SLCO1B3: variants seen among roughly 807,000 people sequenced by gnomAD.
SLCO1B3 encodes the protein liver-specific organic anion transporter 2.
SLCO1B3 carries 72 observed loss-of-function variants against 71.8 expected under a neutral mutation model. That is an observed-to-expected ratio of 1.00 (90% CI 0.83 to 1.22). The LOEUF is 1.22. SLCO1B3 is among the 50% of genes most tolerant of loss of function. SLCO1B3 has a pLI of 0.00. For missense variants in SLCO1B3, 911 were observed against 819.7 expected (o/e 1.11, Z -1.36); for synonymous variants, 298 against 278.4 (o/e 1.07, Z -0.70).
At chr12:20,896,368 C>G (rs113376176) in intron 13 of SLCO1B3, among the ~76,000 whole-genome samples, 1 of 152,158 alleles carries the variant, frequency 6.6e-6, no homozygotes, top group Non-Finnish European at 1.5e-5. Context: ...ACCAAAGTCA[C>G]CTCTTGAATG....
At chr12:20,879,753 C>T (rs552280750) in intron 11 of SLCO1B3, 122 bp downstream of exon 11, 1 of 714,604 alleles carries the variant, frequency 1.4e-6, no homozygotes, top group East Asian at 3.2e-5. Flanking sequence ...AGAGAAATTT[C>T]AATTTTCAAA....
intron 3 of SLCO1B3, among the ~76,000 whole-genome samples, chr12:20,836,435 T>C (rs1360240172): frequency 2.0e-5 from 3 of 152,218 alleles, no homozygotes; most frequent in African/African-American, 7.2e-5. Flanking sequence ...TCTATGTTCA[T>C]GAGTGATATT....
intron 3 of SLCO1B3, among the ~76,000 whole-genome samples, chr12:20,817,248 T>C (rs2121074617): frequency 6.6e-6 from 1 of 152,354 alleles, no homozygotes; most frequent in East Asian, 1.9e-4. Context: ...CCTGTGTTTC[T>C]GGGGTAAGAA....
At chr12:20,863,777 A>G (rs978121894) in intron 8 of SLCO1B3, among the ~76,000 whole-genome samples, 7 of 152,114 alleles carry the variant, frequency 4.6e-5, no homozygotes, top group East Asian at 1.9e-4. Context: ...ATCATCTAAC[A>G]TAAGTATCTC....
At chr12:20,825,813 A>AG (rs1314787357) in intron 3 of SLCO1B3, among the ~76,000 whole-genome samples, 3 of 150,902 alleles carry the variant, frequency 2.0e-5, no homozygotes, top group African/African-American at 4.9e-5. Flanking sequence ...AAAAAAAAAA[A>AG]AAAGAAAGAA....
At chr12:20,828,338 C>T (rs1215861507) in intron 3 of SLCO1B3, among the ~76,000 whole-genome samples, 1 of 148,464 alleles carries the variant, frequency 6.7e-6, no homozygotes, top group African/African-American at 2.5e-5. Flanking sequence ...AATACAAAAA[C>T]AGGCATTAAG....
intron 15 of SLCO1B3, among the ~76,000 whole-genome samples, chr12:20,913,246 T>A (rs1030603484): frequency 6.6e-6 from 1 of 151,964 alleles, no homozygotes; most frequent in Non-Finnish European, 1.5e-5. Flanking sequence ...TGTCCATAGG[T>A]TCTTAGAAAC....
chr12:20,877,263 A>T (rs1227967022), intron 9 of SLCO1B3, among the ~76,000 whole-genome samples: 1 of 152,102 alleles, frequency 6.6e-6, no homozygotes, highest in Non-Finnish European at 1.5e-5. Flanking sequence ...TTTTAAGGGT[A>T]GTGATGTGAA....
chr12:20,896,110 T>A (rs1866001392), intron 13 of SLCO1B3, among the ~76,000 whole-genome samples: 1 of 152,168 alleles, frequency 6.6e-6, no homozygotes, highest in Non-Finnish European at 1.5e-5. Context: ...AGGAAACCAT[T>A]TCTCCTAGGA....
Position 20,861,135 on chromosome 12 carries a change from A to G in SLCO1B3, c.478A>G (p.Lys160Glu), listed in dbSNP as rs1358033714. The G allele has an allele frequency of 1.3e-6, 2 of 1,580,824 alleles. No homozygotes were observed. The highest frequency in any genetic ancestry group is 1.7e-6 in the Non-Finnish European group (2 of 1,165,362). The change falls in exon 6 of 16, where the codon AAA (lysine) becomes GAA (glutamate). Residue 160 changes from lysine to glutamate, a missense_variant. Physicochemically the swap from Lys to Glu is moderately conservative, Grantham distance 56 (BLOSUM62 1). Coordinates refer to ENST00000381545, the MANE Select transcript of SLCO1B3 (RefSeq NM_019844.4). ...TGGAACATCACCTGAGATAGTAGAA[A>G]AAGGTAAGAATTAATAGTGACAGTA... ...FNGTSPEIVE[K>E]DCVKESGSHM...
chr12:20,851,373 G>T (rs908000149), intron 3 of SLCO1B3, among the ~76,000 whole-genome samples: 2 of 152,088 alleles, frequency 1.3e-5, no homozygotes, highest in East Asian at 1.9e-4. Flanking sequence ...TGAGCGTGGG[G>T]TGATAGCTCA....
intron 4 of SLCO1B3, among the ~76,000 whole-genome samples, chr12:20,855,787 A>C (rs1478319939): frequency 1.3e-5 from 2 of 150,950 alleles, no homozygotes; most frequent in African/African-American, 4.8e-5. Context: ...ATATATTTTC[A>C]ATATAATAAT....
At chr12:20,816,398 G>A (rs956660429) in intron 3 of SLCO1B3, among the ~76,000 whole-genome samples, 1 of 151,938 alleles carries the variant, frequency 6.6e-6, no homozygotes, top group Admixed American at 6.6e-5. Flanking sequence ...TACTCACTGT[G>A]TCCATGAATT....
At chr12:20,885,965 A>G (rs554445483) in intron 13 of SLCO1B3, among the ~76,000 whole-genome samples, 3 of 152,260 alleles carry the variant, frequency 2.0e-5, no homozygotes, top group Admixed American at 2.0e-4. Flanking sequence ...ACAAAAGGCT[A>G]TGATCATTCT....
At chr12:20,824,062 A>G (rs563431563) in intron 3 of SLCO1B3, among the ~76,000 whole-genome samples, 1 of 152,326 alleles carries the variant, frequency 6.6e-6, no homozygotes, top group Admixed American at 6.5e-5. Context: ...TACTCTCAAA[A>G]TAGTTTTCAA....
chr12:20,903,409 AC>A (rs1225473280), intron 15 of SLCO1B3, among the ~76,000 whole-genome samples: 1 of 152,206 alleles, frequency 6.6e-6, no homozygotes, highest in East Asian at 1.9e-4. Flanking sequence ...GTCTATTCTC[AC>A]ACTGCTATGA....
chr12:20,896,066 G>A (rs1028144565), intron 13 of SLCO1B3, among the ~76,000 whole-genome samples: 2 of 152,164 alleles, frequency 1.3e-5, no homozygotes, highest in African/African-American at 4.8e-5. Context: ...AAGTCCCTAG[G>A]CTGCACATAG....
intron 15 of SLCO1B3, among the ~76,000 whole-genome samples, chr12:20,907,611 C>T (rs1293130541): frequency 6.6e-6 from 1 of 151,028 alleles, no homozygotes; most frequent in Non-Finnish European, 1.5e-5. Context: ...TGGGTTCAAG[C>T]AATTCTCTTG....
At position 20,810,718 on chromosome 12, in the gene SLCO1B3, A is replaced by C. The variant is rs1247798827; in HGVS notation, c.-227A>C. On this transcript the variant is annotated 5_prime_UTR_variant, in exon 1 of 16. Coordinates refer to ENST00000381545, the MANE Select transcript of SLCO1B3 (RefSeq NM_019844.4). ...CCATTTAAAGTGAGACTTTAACATC[A>C]GAAAAAGGATGGACTTGTTGCAGTT... The C allele has an allele frequency of 6.6e-6, 1 of 152,254 alleles. No individual in the cohort carries two copies. Among genetic ancestry groups the C allele is most frequent in the Non-Finnish European group, 1.5e-5 (1 of 68,036 alleles). The allele number at this position is 152,254 out of a possible 1,614,324, so 9.4% of individuals were successfully genotyped here. A position where few individuals can be genotyped will look rare whatever the true frequency, so the allele number is the denominator to read the frequency against.
Sources: gnomAD v4.1 joint callset for allele counts (sites outside exome capture counted in the v4.1 genomes callset) on GRCh38, gnomAD v4.1.1 for gene constraint, MANE v1.5 for transcripts, NCBI Gene and HGNC (gene_info 2026-07-23, HGNC 2026-07-21) for gene names.